Variants in SPIRE1 observed in about 807,000 individuals in gnomAD.
SPIRE1 encodes the protein protein spire homolog 1.
Under a neutral mutation model 94.1 loss-of-function variants are expected in SPIRE1, and 40 were observed. That is an observed-to-expected ratio of 0.43 (90% CI 0.33 to 0.55). The LOEUF is 0.55. SPIRE1 is among the 20% of genes least tolerant of loss of function. The pLI, the probability that SPIRE1 is intolerant of heterozygous loss-of-function variation, is 0.06. For missense variants in SPIRE1, 838 were observed against 975.2 expected (o/e 0.86, Z 1.87); for synonymous variants, 376 against 371.7 (o/e 1.01, Z -0.13).
At chr18:12,547,713 G>A (rs1161589993) in intron 2 of SPIRE1, among the ~76,000 whole-genome samples, 10 of 152,244 alleles carry the variant, frequency 6.6e-5, no homozygotes, top group South Asian at 2.1e-4. Flanking sequence ...AGGCTGAGGC[G>A]AGCAGATCAC....
intron 8 of SPIRE1, among the ~76,000 whole-genome samples, chr18:12,489,405 T>C (rs1012274245): frequency 2.6e-5 from 4 of 152,232 alleles, no homozygotes; most frequent in African/African-American, 7.2e-5. Flanking sequence ...GCTCTTTTTT[T>C]CTCTAGCACT....
chr18:12,483,316 T>C (rs1283156646), intron 9 of SPIRE1, among the ~76,000 whole-genome samples: 1 of 152,206 alleles, frequency 6.6e-6, no homozygotes, highest in Non-Finnish European at 1.5e-5. Flanking sequence ...GAATAAATTA[T>C]CATTTTTACT....
At position 12,448,872 on chromosome 18, in the gene SPIRE1, C is replaced by T. The variant is rs979350001; in HGVS notation, c.*766G>A. ...TTTAGCCTTCCTTTGTCCTGAAACT[C>T]CCACACAACTTTAATTCTTAGACCT... On this transcript the variant is annotated 3_prime_UTR_variant, in exon 17 of 17. Transcript: ENST00000409402. This position sits in a 1 kb window ranked among gnomAD's most constrained non-coding sequence, Gnocchi z 4.4. The T allele has an allele frequency of 2.0e-5, 3 of 152,520 alleles. No homozygotes were observed. Among genetic ancestry groups the T allele is most frequent in the African/African-American group, 7.2e-5 (3 of 41,430 alleles). The allele number at this position is 152,520 out of a possible 1,614,324, so 9.4% of individuals were successfully genotyped here.
At chr18:12,491,174 A>G (rs973718188) in intron 8 of SPIRE1, among the ~76,000 whole-genome samples, 4 of 150,192 alleles carry the variant, frequency 2.7e-5, no homozygotes, top group Non-Finnish European at 5.9e-5. Context: ...AAATGGAAGA[A>G]TAATATTCAT....
At position 12,449,665 on chromosome 18, in the gene SPIRE1, A is replaced by G; in HGVS notation, c.2244T>C (p.Pro748=). The G allele has an allele frequency of 6.2e-7, 1 of 1,614,170 alleles. No homozygotes were observed. The highest frequency in any genetic ancestry group is 8.5e-7 in the Non-Finnish European group (1 of 1,180,028). The change falls in exon 17 of 17, where the codon CCT becomes CCC. Residue 748 remains proline (P), a synonymous_variant. Coordinates refer to ENST00000409402, the MANE Select transcript of SPIRE1 (RefSeq NM_001128626.2). ...AGATCTCACTGATCGTCCTCTCTGA[A>G]GGGCAGTACTCCGAGGGGCCTGGCG... is the stretch of plus-strand genomic sequence containing the variant. ...MSSPGPSEYC[P]SERTISEI is the part of the protein sequence containing the mutation.
chr18:12,457,464 T>G (rs1025172740), intron 12 of SPIRE1, among the ~76,000 whole-genome samples: 2 of 112,740 alleles, frequency 1.8e-5, no homozygotes, highest in African/African-American at 1.1e-4. Context: ...CGGGAGCCCT[T>G]CCCCACCACG....
At chr18:12,617,373 C>T (rs1222508294) in intron 2 of SPIRE1, among the ~76,000 whole-genome samples, 1 of 151,942 alleles carries the variant, frequency 6.6e-6, no homozygotes, top group Admixed American at 6.6e-5. Flanking sequence ...AACCACCATG[C>T]CCAGCAAATC....
intron 10 of SPIRE1, among the ~76,000 whole-genome samples, chr18:12,466,934 T>C (rs2032129108): frequency 1.3e-5 from 2 of 152,108 alleles, no homozygotes; most frequent in Admixed American, 1.3e-4. Context: ...ACAAAGTGTC[T>C]GGTCAAAGAA....
chr18:12,626,820 T>C (rs1283166334), intron 2 of SPIRE1, among the ~76,000 whole-genome samples: 1 of 150,126 alleles, frequency 6.7e-6, no homozygotes, highest in Admixed American at 6.7e-5. Context: ...TTTGCTGTGA[T>C]GATTAATTAA....
At chr18:12,646,975 T>A (rs913404248) in intron 1 of SPIRE1, among the ~76,000 whole-genome samples, 6 of 148,106 alleles carry the variant, frequency 4.1e-5, no homozygotes, top group African/African-American at 1.5e-4. Flanking sequence ...ACCCAGAAGG[T>A]GGAGGCTGCA....
intron 1 of SPIRE1, among the ~76,000 whole-genome samples, chr18:12,638,825 C>T (rs1460474673): frequency 6.6e-6 from 1 of 152,128 alleles, no homozygotes; most frequent in Non-Finnish European, 1.5e-5. Flanking sequence ...CTTTCTTCCT[C>T]CTGCTCCAGC....
chr18:12,500,378 A>G (rs1411005174), intron 6 of SPIRE1, among the ~76,000 whole-genome samples: 1 of 152,260 alleles, frequency 6.6e-6, no homozygotes, highest in Non-Finnish European at 1.5e-5. Context: ...ATTGTGAATC[A>G]TCAGGGAAAT....
chr18:12,475,169 A>G (rs956066725), intron 10 of SPIRE1, among the ~76,000 whole-genome samples: 5 of 152,108 alleles, frequency 3.3e-5, no homozygotes, highest in African/African-American at 9.7e-5. Context: ...CTCACATCTC[A>G]TAACAAAATG....
chr18:12,501,420 T>G (rs2033661240), intron 6 of SPIRE1, among the ~76,000 whole-genome samples: 1 of 152,218 alleles, frequency 6.6e-6, no homozygotes, highest in African/African-American at 2.4e-5. Flanking sequence ...AGTCTCGCTC[T>G]GCCGTCACGC....
intron 2 of SPIRE1, among the ~76,000 whole-genome samples, chr18:12,585,036 C>T (rs990464920): frequency 6.6e-6 from 1 of 152,078 alleles, no homozygotes; most frequent in Non-Finnish European, 1.5e-5. Context: ...GAACTCTTGA[C>T]CTCGTGATCC....
intron 2 of SPIRE1, among the ~76,000 whole-genome samples, chr18:12,594,854 A>G (rs1269398746): frequency 6.6e-6 from 1 of 152,090 alleles, no homozygotes; most frequent in Non-Finnish European, 1.5e-5. Flanking sequence ...AACAAGACCA[A>G]TCCCTCCACT....
chr18:12,533,718 T>C (rs72877268), intron 4 of SPIRE1, among the ~76,000 whole-genome samples: 22,262 of 152,146 alleles, frequency 0.15, 1,838 homozygotes, highest in East Asian at 0.33. Flanking sequence ...CTTTATAAAG[T>C]AGCCAGGTTC....
chr18:12,658,131 G>GCCCCT, upstream of SPIRE1: 1 of 960,820 alleles, frequency 1.0e-6, no homozygotes, highest in Non-Finnish European at 1.2e-6. Flanking sequence ...GCCCCGCCCC[G>GCCCCT]CCTCGCGCCG....
chr18:12,595,216 G>C (rs2036637797), intron 2 of SPIRE1, among the ~76,000 whole-genome samples: 2 of 152,158 alleles, frequency 1.3e-5, no homozygotes, highest in South Asian at 4.1e-4. Context: ...TGAGGTGGGA[G>C]GATCACCTGA....
Sources: allele counts gnomAD v4.1 joint callset (sites outside exome capture counted in the v4.1 genomes callset), GRCh38; gene constraint gnomAD v4.1.1; non-coding constraint Gnocchi (gnomAD v3.1); transcripts MANE v1.5; gene names NCBI Gene and HGNC (gene_info 2026-07-23, HGNC 2026-07-21).